Variants in VWC2L observed in about 807,000 individuals in gnomAD.
VWC2L encodes the protein von Willebrand factor C domain-containing protein 2-like.
A neutral mutation model predicts 21.6 loss-of-function variants in VWC2L; 10 were observed. The ratio of observed to expected loss-of-function variants is 0.46; its 90% CI spans 0.29 to 0.78. The LOEUF is 0.78. VWC2L is among the 30% of genes least tolerant of loss of function. The probability of loss-of-function intolerance (pLI) is 0.10; values close to 1 mark genes in which losing one functional copy is unlikely to be tolerated. For missense variants in VWC2L, 209 were observed against 277.1 expected, an observed-to-expected ratio of 0.75 and a Z score of 1.74; for synonymous variants, 96 against 94.3, an observed-to-expected ratio of 1.02 and a Z score of -0.10.
chr2:214,562,366 A>G (rs373376731), intron 3 of VWC2L, among the ~76,000 whole-genome samples: 1 of 152,280 alleles, frequency 6.6e-6, no homozygotes, highest in East Asian at 1.9e-4. Context: ...GTGTATATGT[A>G]CCATATTTTC....
At chr2:214,489,867 G>A (rs774401300) in intron 3 of VWC2L, among the ~76,000 whole-genome samples, 48 of 152,274 alleles carry the variant, frequency 3.2e-4, no homozygotes, top group Admixed American at 3.9e-4. Context: ...CACCTTGGCC[G>A]TGTCCAGCAC....
rs1411959310 is a variant in VWC2L at position 214,452,990 on chromosome 2, A to G, written c.520+16232A>G. ...TGTAGACAAGTCCTTTATGAGACAT[A>G]TGCTTTGCAACTATTTCCCATCAGT... On this transcript the variant is annotated intron_variant, in intron 3 of 3. Transcript: ENST00000312504. Among the ~76,000 whole-genome samples the G allele has an allele frequency of 2.0e-5, 3 of 152,206 alleles. No homozygotes were observed. The East Asian group carries it at 5.8e-4, about 29-fold the overall frequency.
At chr2:214,470,277 G>C (rs1378277548) in intron 3 of VWC2L, among the ~76,000 whole-genome samples, 1 of 150,648 alleles carries the variant, frequency 6.6e-6, no homozygotes, top group African/African-American at 2.4e-5. Context: ...ATTGCTCAAA[G>C]GACTAAAATA....
chr2:214,519,417 G>A (rs1334803464), intron 3 of VWC2L, among the ~76,000 whole-genome samples: 5 of 152,158 alleles, frequency 3.3e-5, no homozygotes, highest in East Asian at 1.9e-4. Context: ...TCAATATAAC[G>A]TAAATTGCAA....
chr2:214,493,089 A>G (rs1175705527), intron 3 of VWC2L, among the ~76,000 whole-genome samples: 2 of 152,242 alleles, frequency 1.3e-5, no homozygotes, highest in Non-Finnish European at 2.9e-5. Context: ...GTACACCTGC[A>G]TATGTGAATC....
rs539810126 is a variant in VWC2L at position 214,577,143 on chromosome 2, A to T, written c.*1323A>T. On this transcript the variant is annotated 3_prime_UTR_variant, in exon 4 of 4. Transcript: ENST00000312504. The stretch of plus-strand genomic sequence containing the variant: ...AACCACATGGCATAGTTAGTCGCTT[A>T]TTCCATGCTCCTGCCCTAAAAACCC... The T allele has an allele frequency of 6.3e-4, 96 of 152,292 alleles. 1 individual carries two copies. The highest frequency in any genetic ancestry group is 3.4e-3 in the Middle Eastern group (1 of 294). 9.4% of individuals were successfully genotyped at this position (152,292 alleles called of 1,614,324 possible).
At chr2:214,464,038 C>T (rs538545479) in intron 3 of VWC2L, among the ~76,000 whole-genome samples, 4 of 151,994 alleles carry the variant, frequency 2.6e-5, no homozygotes, top group Non-Finnish European at 2.9e-5. Flanking sequence ...TCTGTTAGAA[C>T]TCTGGATTCC....
chr2:214,417,550 C>T (rs1046183604), intron 2 of VWC2L, among the ~76,000 whole-genome samples: 2 of 152,008 alleles, frequency 1.3e-5, no homozygotes, highest in Non-Finnish European at 2.9e-5. Flanking sequence ...ACTGAAATTC[C>T]AAAGACGAAA....
intron 3 of VWC2L, among the ~76,000 whole-genome samples, chr2:214,490,235 G>T (rs879462782): frequency 2.0e-5 from 3 of 152,032 alleles, no homozygotes; most frequent in Non-Finnish European, 4.4e-5. Context: ...TCTCCTCTTT[G>T]GTTTCTTAGA....
intron 2 of VWC2L, among the ~76,000 whole-genome samples, chr2:214,415,369 T>C (rs184768220): frequency 3.3e-5 from 5 of 152,312 alleles, no homozygotes; most frequent in African/African-American, 1.2e-4. Flanking sequence ...AAGGTATGAA[T>C]ACATGAAAAA....
chr2:214,493,448 T>C lies in VWC2L; in HGVS notation c.520+56690T>C, dbSNP rs189012655. Among the ~76,000 whole-genome samples, 4 of 152,276 alleles carry C rather than the reference T, an allele frequency of 2.6e-5. No individual in the cohort carries two copies. In the East Asian group the frequency reaches 7.7e-4, roughly 29 times the overall value. On this transcript the variant is annotated intron_variant, in intron 3 of 3. Coordinates refer to ENST00000312504, the MANE Select transcript of VWC2L (RefSeq NM_001080500.4). The stretch of plus-strand genomic sequence containing the variant: ...ATGGCTAGACCCAGAGGCTCACAAA[T>C]ATTTTAACGATTCTGTCCCTTTGTC...
chr2:214,509,544 G>A (rs1468787167), intron 3 of VWC2L, among the ~76,000 whole-genome samples: 1 of 152,116 alleles, frequency 6.6e-6, no homozygotes, highest in East Asian at 1.9e-4. Flanking sequence ...TCGTAGATTT[G>A]GATGGAAGTG....
intron 3 of VWC2L, among the ~76,000 whole-genome samples, chr2:214,483,942 T>A (rs574850857): frequency 6.6e-6 from 1 of 152,244 alleles, no homozygotes; most frequent in Non-Finnish European, 1.5e-5. Flanking sequence ...AAGTCTCAAA[T>A]GAAGGTGTTG....
chr2:214,470,299 A>G (rs1298179588), intron 3 of VWC2L, among the ~76,000 whole-genome samples: 1 of 151,992 alleles, frequency 6.6e-6, no homozygotes, highest in African/African-American at 2.4e-5. Flanking sequence ...GAAAAATTAG[A>G]ACTAGAACAC....
At chr2:214,538,645 A>T (rs1036964645) in intron 3 of VWC2L, among the ~76,000 whole-genome samples, 15 of 141,570 alleles carry the variant, frequency 1.1e-4, no homozygotes, top group African/African-American at 3.4e-4. Flanking sequence ...TTAGTACATT[A>T]TAGTATATAT....
In VWC2L at chr2:214,411,093, G is replaced by A. The variant is rs1702261373; in HGVS notation, c.-774G>A. 1 of 152,180 alleles carries A rather than the reference G, an allele frequency of 6.6e-6. No homozygotes were observed. The highest frequency in any genetic ancestry group is 2.1e-4 in the South Asian group (1 of 4,826). The allele number at this position is 152,180 out of a possible 1,614,324, so 9.4% of individuals were successfully genotyped here. ...CAGCTCTGGGATTTCGACAGAGCTG[G>A]GCTCAGAAGCCAGTTGTTGGCGCTG... On this transcript the variant is annotated 5_prime_UTR_variant, in exon 1 of 4. Transcript: ENST00000312504.
intron 3 of VWC2L, among the ~76,000 whole-genome samples, chr2:214,524,777 T>C (rs1340511923): frequency 6.6e-6 from 1 of 152,136 alleles, no homozygotes; most frequent in African/African-American, 2.4e-5. Context: ...GACTGAACTC[T>C]TCACAACTTA....
At chr2:214,416,335 T>A (rs926232261) in intron 2 of VWC2L, among the ~76,000 whole-genome samples, 1 of 152,068 alleles carries the variant, frequency 6.6e-6, no homozygotes, top group Non-Finnish European at 1.5e-5. Flanking sequence ...ATAATTTCTG[T>A]ACCCCTTCTC....
intron 3 of VWC2L, among the ~76,000 whole-genome samples, chr2:214,462,042 G>A (rs1559297892): frequency 6.6e-6 from 1 of 151,772 alleles, no homozygotes; most frequent in Non-Finnish European, 1.5e-5. Context: ...GTGTAGACAC[G>A]GGAAAATGTC....
Sources: gnomAD v4.1 joint callset for allele counts (sites outside exome capture counted in the v4.1 genomes callset) on GRCh38, gnomAD v4.1.1 for gene constraint, MANE v1.5 for transcripts, NCBI Gene and HGNC (gene_info 2026-07-23, HGNC 2026-07-21) for gene names.